The following RALYL variants were observed in gnomAD, a reference collection of about 807,000 sequenced individuals.
RALYL encodes the protein RNA-binding Raly-like protein.
In RALYL, 29 loss-of-function variants were observed where a neutral mutation model predicts 35.1. That is an observed-to-expected ratio of 0.83 (90% CI 0.61 to 1.13). The LOEUF (loss-of-function observed/expected upper bound fraction) is 1.13, where lower values mean the gene tolerates loss of function less well. RALYL is among the 50% of genes most tolerant of loss of function. The pLI, the probability that RALYL is intolerant of heterozygous loss-of-function variation, is 0.00. For missense variants in RALYL, 359 were observed against 360.4 expected, an observed-to-expected ratio of 1.00 and a Z score of 0.03; for synonymous variants, 120 against 127.6, an observed-to-expected ratio of 0.94 and a Z score of 0.40.
intron 1 of RALYL, among the ~76,000 whole-genome samples, chr8:84,469,240 T>G (rs1186899758): frequency 6.6e-6 from 1 of 152,102 alleles, no homozygotes; most frequent in Non-Finnish European, 1.5e-5. Flanking sequence ...AGTTTCCAGT[T>G]TTTCTGTTCT....
At chr8:84,613,903 A>G (rs980906088) in intron 2 of RALYL, among the ~76,000 whole-genome samples, 9 of 149,804 alleles carry the variant, frequency 6.0e-5, no homozygotes, top group African/African-American at 2.0e-4. Context: ...CTTGCCATTT[A>G]TATTTCAATG....
At chr8:84,848,155 A>G (rs542913916) in intron 4 of RALYL, among the ~76,000 whole-genome samples, 41 of 152,302 alleles carry the variant, frequency 2.7e-4, no homozygotes, top group African/African-American at 8.9e-4. Context: ...TTCTAGGTAT[A>G]TACCTAAAAG....
At chr8:84,286,754 G>A (rs557409475) in intron 1 of RALYL, among the ~76,000 whole-genome samples, 1 of 152,278 alleles carries the variant, frequency 6.6e-6, no homozygotes, top group Admixed American at 6.5e-5. Context: ...TGTTAAGGAA[G>A]CAAAGCTTTT....
chr8:84,871,133 C>T (rs1302927292), intron 6 of RALYL, among the ~76,000 whole-genome samples: 1 of 152,172 alleles, frequency 6.6e-6, no homozygotes, highest in Non-Finnish European at 1.5e-5. Context: ...GTAACATTAA[C>T]TTATTAGACC....
At chr8:84,562,160 C>T (rs1452238913) in intron 2 of RALYL, among the ~76,000 whole-genome samples, 2 of 151,922 alleles carry the variant, frequency 1.3e-5, no homozygotes, top group Non-Finnish European at 2.9e-5. Flanking sequence ...AAAATACTTG[C>T]TGTAAAATCC....
At chr8:84,471,734 C>T (rs1435807506) in intron 1 of RALYL, among the ~76,000 whole-genome samples, 1 of 152,132 alleles carries the variant, frequency 6.6e-6, no homozygotes, top group Non-Finnish European at 1.5e-5. Context: ...GTGACCTTGA[C>T]AAATTTCTTA....
At chr8:84,555,209 G>A (rs781587921) in intron 2 of RALYL, among the ~76,000 whole-genome samples, 9 of 152,102 alleles carry the variant, frequency 5.9e-5, no homozygotes, top group Non-Finnish European at 1.2e-4. Flanking sequence ...AACCCGGGAG[G>A]CAGAGGTTGC....
chr8:84,668,028 C>T (rs976858312), intron 2 of RALYL, among the ~76,000 whole-genome samples: 4 of 152,088 alleles, frequency 2.6e-5, no homozygotes, highest in African/African-American at 9.7e-5. Context: ...ATTTTTAATC[C>T]TCTAAGGCAT....
intron 2 of RALYL, among the ~76,000 whole-genome samples, chr8:84,659,445 C>A (rs890513449): frequency 6.6e-6 from 1 of 151,978 alleles, no homozygotes; most frequent in Non-Finnish European, 1.5e-5. Flanking sequence ...GAAGAGTGAG[C>A]CTTTGGTCAA....
At chr8:84,189,842 T>A (rs1320835106) in intron 1 of RALYL, among the ~76,000 whole-genome samples, 2 of 152,164 alleles carry the variant, frequency 1.3e-5, no homozygotes, top group Non-Finnish European at 2.9e-5. Flanking sequence ...CACTAGTGAG[T>A]GCTTTGAGCA....
At chr8:84,701,911 G>T (rs1387064) in intron 2 of RALYL, among the ~76,000 whole-genome samples, 15 of 152,202 alleles carry the variant, frequency 9.9e-5, no homozygotes, top group South Asian at 6.2e-4. Context: ...ACCTCACATG[G>T]CATGTTATGT....
intron 8 of RALYL, among the ~76,000 whole-genome samples, chr8:84,888,976 C>G (rs1843371974): frequency 6.6e-6 from 1 of 152,172 alleles, no homozygotes; most frequent in African/African-American, 2.4e-5. Flanking sequence ...TCTCAAACTC[C>G]TGACCTCAAG....
chr8:84,338,221 C>T (rs1848174609), intron 1 of RALYL, among the ~76,000 whole-genome samples: 1 of 151,672 alleles, frequency 6.6e-6, no homozygotes, highest in Non-Finnish European at 1.5e-5. Flanking sequence ...GTACTATTCT[C>T]ATTTTATAGG....
intron 4 of RALYL, among the ~76,000 whole-genome samples, chr8:84,845,627 A>T (rs989144560): frequency 2.0e-5 from 3 of 152,092 alleles, no homozygotes; most frequent in East Asian, 3.8e-4. Context: ...CTGTCTGTTT[A>T]CTTCCTTCAT....
intron 1 of RALYL, among the ~76,000 whole-genome samples, chr8:84,337,469 A>G (rs1171729834): frequency 2.6e-5 from 4 of 152,060 alleles, no homozygotes; most frequent in Non-Finnish European, 5.9e-5. Flanking sequence ...ATGTAGATAC[A>G]ATTATATTGT....
intron 2 of RALYL, among the ~76,000 whole-genome samples, chr8:84,685,392 C>A (rs1318395570): frequency 2.0e-5 from 3 of 152,082 alleles, no homozygotes; most frequent in African/African-American, 4.8e-5. Flanking sequence ...TCCCTTCCTG[C>A]TCTTTACCCA....
chr8:84,267,376 A>AT (rs1408318451), intron 1 of RALYL, among the ~76,000 whole-genome samples: 1 of 151,966 alleles, frequency 6.6e-6, no homozygotes, highest in Non-Finnish European at 1.5e-5. Flanking sequence ...GGCTGATGAG[A>AT]CTCATGATCT....
chr8:84,854,097 G>A (rs1306293730), intron 5 of RALYL, among the ~76,000 whole-genome samples: 1 of 152,154 alleles, frequency 6.6e-6, no homozygotes, highest in African/African-American at 2.4e-5. Flanking sequence ...CCTGATCCCA[G>A]CACTTTGGGA....
intron 1 of RALYL, among the ~76,000 whole-genome samples, chr8:84,304,816 T>C (rs1194326997): frequency 6.6e-6 from 1 of 152,196 alleles, no homozygotes; most frequent in Non-Finnish European, 1.5e-5. Context: ...TAATGACATG[T>C]CCTTAAATTG....
Sources: allele counts gnomAD v4.1 joint callset (sites outside exome capture counted in the v4.1 genomes callset), GRCh38; gene constraint gnomAD v4.1.1; transcripts MANE v1.5; gene names NCBI Gene and HGNC (gene_info 2026-07-23, HGNC 2026-07-21).